Variants in SGK1 observed in about 807,000 individuals in gnomAD.
SGK1 encodes serum/glucocorticoid regulated kinase 1, also known as serine/threonine-protein kinase Sgk1.
In SGK1, 26 loss-of-function variants were observed where a neutral mutation model predicts 64.2. That is an observed-to-expected ratio of 0.40 (90% CI 0.30 to 0.56). The LOEUF (loss-of-function observed/expected upper bound fraction) is 0.56. Among genes scored for constraint, SGK1 ranks in the 20% least tolerant of loss-of-function variants. The pLI is 0.38. For missense variants in SGK1, 519 were observed against 645.6 expected (o/e 0.80, Z 2.12); for synonymous variants, 265 against 239.7 (o/e 1.11, Z -0.98).
At chr6:134,256,162 C>T (rs534852229) in intron 2 of SGK1, among the ~76,000 whole-genome samples, 1 of 147,686 alleles carries the variant, frequency 6.8e-6, no homozygotes, top group African/African-American at 2.5e-5. Context: ...TTATCTGGAA[C>T]ATTATTATTT....
chr6:134,175,397 C>T, intron 3 of SGK1: 1 of 1,258,332 alleles, frequency 7.9e-7, no homozygotes, highest in East Asian at 3.2e-5. Context: ...GGGGCGCAGG[C>T]CTGCGCGCGC....
chr6:134,173,586 A>G lies in SGK1; in HGVS notation c.514-20T>C, dbSNP rs1201941811. 1.3e-6 allele frequency: 2 copies of G among 1,483,864 alleles called. No homozygotes were observed. The highest frequency in any genetic ancestry group is 9.2e-7 in the Non-Finnish European group (1 of 1,081,596). The allele number at this position is 1,483,864 out of a possible 1,614,324, so 91.9% of individuals were successfully genotyped here. ...ACTTGGCTAGAAAAAAAAAAAAAGA[A>G]TTTCTTTTAATACCATTGCTTCAAA... On this transcript the variant is annotated intron_variant, in intron 5 of 13. Transcript: ENST00000367858.
At chr6:134,198,175 G>T (rs1427853952) in intron 3 of SGK1, among the ~76,000 whole-genome samples, 2 of 152,152 alleles carry the variant, frequency 1.3e-5, no homozygotes, top group African/African-American at 4.8e-5. Flanking sequence ...ATTCTTCACT[G>T]TGTGTAAGAC....
intron 2 of SGK1, among the ~76,000 whole-genome samples, chr6:134,224,466 G>A (rs1776137954): frequency 6.6e-6 from 1 of 152,198 alleles, no homozygotes; most frequent in Admixed American, 6.5e-5. Context: ...AATAATGTGA[G>A]TCTTTGAGTG....
intron 1 of SGK1, among the ~76,000 whole-genome samples, chr6:134,273,450 G>A (rs377092809): frequency 4.0e-5 from 6 of 148,598 alleles, no homozygotes; most frequent in Admixed American, 1.4e-4. Context: ...AAAATTAGCC[G>A]GGCGTAGTGG....
intron 1 of SGK1, among the ~76,000 whole-genome samples, chr6:134,301,511 C>T (rs1228741492): frequency 6.6e-6 from 1 of 151,542 alleles, no homozygotes; most frequent in Non-Finnish European, 1.5e-5. Context: ...ACCACCTTTT[C>T]TTCTCTTCTC....
At chr6:134,266,013 T>C (rs910481021) in intron 1 of SGK1, among the ~76,000 whole-genome samples, 1 of 151,820 alleles carries the variant, frequency 6.6e-6, no homozygotes, top group Non-Finnish European at 1.5e-5. Context: ...AGATGGAGTC[T>C]CTGATTGTCA....
chr6:134,220,034 G>A (rs1265330942), intron 2 of SGK1, among the ~76,000 whole-genome samples: 1 of 106,916 alleles, frequency 9.4e-6, no homozygotes, highest in African/African-American at 3.4e-5. Flanking sequence ...AGTCCAGCCT[G>A]GGCGACAGAG....
intron 1 of SGK1, among the ~76,000 whole-genome samples, chr6:134,264,574 C>G (rs768859152): frequency 1.4e-4 from 21 of 152,072 alleles, no homozygotes; most frequent in Non-Finnish European, 2.6e-4. Flanking sequence ...TAGCCTATAG[C>G]AAAAGGACAA....
intron 3 of SGK1, among the ~76,000 whole-genome samples, chr6:134,184,449 G>A (rs1451908804): frequency 6.9e-6 from 1 of 145,486 alleles, no homozygotes; most frequent in African/African-American, 2.6e-5. Context: ...AGGCCGCAGT[G>A]AGCCGAGATC....
At chr6:134,247,008 A>T (rs1019738107) in intron 2 of SGK1, among the ~76,000 whole-genome samples, 19 of 147,876 alleles carry the variant, frequency 1.3e-4, no homozygotes, top group Non-Finnish European at 1.5e-4. Context: ...CCAGTGATTT[A>T]TTTTTTTTTT....
chr6:134,223,757 T>G (rs906026375), intron 2 of SGK1, among the ~76,000 whole-genome samples: 19 of 152,270 alleles, frequency 1.2e-4, no homozygotes, highest in African/African-American at 4.3e-4. Flanking sequence ...GAATCTAGAC[T>G]GCTACGTGTA....
intron 1 of SGK1, among the ~76,000 whole-genome samples, chr6:134,301,333 C>T (rs976776638): frequency 2.0e-5 from 3 of 152,090 alleles, no homozygotes; most frequent in African/African-American, 7.2e-5. Context: ...TGTTCAGAGG[C>T]TGGTGAGCCA....
chr6:134,169,821 C>A lies in SGK1; in HGVS notation c.*447G>T, dbSNP rs567136692. 3 of 153,236 alleles carry A rather than the reference C, an allele frequency of 2.0e-5. No individual in the cohort carries two copies. Among genetic ancestry groups the A allele is most frequent in the African/African-American group, 7.2e-5 (3 of 41,456 alleles). 9.5% of individuals were successfully genotyped at this position (153,236 alleles called of 1,614,324 possible). On this transcript the variant is annotated 3_prime_UTR_variant, in exon 14 of 14. Transcript: ENST00000367858. ...GATCAGGCATACCACACTCACACGA[C>A]GGTTCACACAGCATATCCACAAGGG... is the stretch of plus-strand genomic sequence containing the variant.
intron 1 of SGK1, among the ~76,000 whole-genome samples, chr6:134,292,328 C>T (rs1414577700): frequency 1.3e-5 from 2 of 152,134 alleles, no homozygotes; most frequent in Non-Finnish European, 2.9e-5. Flanking sequence ...CGCGGTGGCT[C>T]ATGCCTGTAA....
At chr6:134,255,910 C>G (rs1188484410) in intron 2 of SGK1, among the ~76,000 whole-genome samples, 1 of 151,994 alleles carries the variant, frequency 6.6e-6, no homozygotes, top group East Asian at 1.9e-4. Context: ...TTGGCTATTA[C>G]TAGGAAGTAT....
intron 2 of SGK1, among the ~76,000 whole-genome samples, chr6:134,255,216 T>C (rs1776663567): frequency 6.6e-6 from 1 of 152,182 alleles, no homozygotes; most frequent in Non-Finnish European, 1.5e-5. Context: ...ATGGTATGGA[T>C]ATGTCATAAT....
At chr6:134,286,135 A>G (rs1347702539) in intron 1 of SGK1, among the ~76,000 whole-genome samples, 1 of 152,254 alleles carries the variant, frequency 6.6e-6, no homozygotes, top group Non-Finnish European at 1.5e-5. Flanking sequence ...ATCTATTTAT[A>G]TACAGGTGGT....
At chr6:134,217,244 C>A (rs1439309013) in intron 2 of SGK1, among the ~76,000 whole-genome samples, 1 of 152,124 alleles carries the variant, frequency 6.6e-6, no homozygotes, top group Non-Finnish European at 1.5e-5. Context: ...TGGGGGAATC[C>A]AAAACATTTC....
Sources: allele counts gnomAD v4.1 joint callset (sites outside exome capture counted in the v4.1 genomes callset), GRCh38; gene constraint gnomAD v4.1.1; transcripts MANE v1.5; gene names NCBI Gene and HGNC (gene_info 2026-07-23, HGNC 2026-07-21).